NSD1: variants seen among roughly 807,000 people sequenced by gnomAD.
NSD1 encodes nuclear receptor binding SET domain protein 1.
In NSD1, 26 loss-of-function variants were observed where a neutral mutation model predicts 242.7. The ratio of observed to expected loss-of-function variants is 0.11; its 90% CI spans 0.08 to 0.15. The LOEUF (loss-of-function observed/expected upper bound fraction) is 0.15, where lower values mean the gene tolerates loss of function less well. NSD1 is among the 10% of genes least tolerant of loss of function. The pLI is 1.00. For missense variants in NSD1, 2,495 were observed against 3,272.8 expected, an observed-to-expected ratio of 0.76 and a Z score of 5.80; for synonymous variants, 1,106 against 1,178.1, an observed-to-expected ratio of 0.94 and a Z score of 1.25.
intron 2 of NSD1, among the ~76,000 whole-genome samples, chr5:177,155,761 A>C (rs1758078674): frequency 6.6e-6 from 1 of 151,936 alleles, no homozygotes. Flanking sequence ...ATCTCGGTTC[A>C]CTGCAACCTC....
intron 8 of NSD1, among the ~76,000 whole-genome samples, chr5:177,240,915 A>C (rs967048545): frequency 6.6e-6 from 1 of 152,080 alleles, no homozygotes; most frequent in Non-Finnish European, 1.5e-5. Context: ...GCTACTCAGA[A>C]GGCTGAAGTG....
intron 2 of NSD1, among the ~76,000 whole-genome samples, chr5:177,152,319 GTGTATGTA>G (rs57114836): frequency 1.8e-3 from 231 of 128,228 alleles, no homozygotes; most frequent in African/African-American, 3.5e-3. Context: ...TTGTGTGTGT[GTGTATGTA>G]TGTATGTATG....
chr5:177,264,649 C>T, intron 14 of NSD1: 1 of 445,652 alleles, frequency 2.2e-6, no homozygotes, highest in South Asian at 2.1e-5. Context: ...TGAAACACAC[C>T]CCTGGCCCCA....
chr5:177,139,164 T>C (rs1756596412), intron 2 of NSD1, among the ~76,000 whole-genome samples: 2 of 151,120 alleles, frequency 1.3e-5, no homozygotes, highest in South Asian at 4.2e-4. Flanking sequence ...GGCAGGAGAA[T>C]CACTTGAACC....
chr5:177,231,862 G>C (rs1765083877), intron 5 of NSD1, among the ~76,000 whole-genome samples: 1 of 151,862 alleles, frequency 6.6e-6, no homozygotes, highest in African/African-American at 2.4e-5. Context: ...ACACTTTTAT[G>C]TTATTGGGAT....
chr5:177,182,039 C>T lies in NSD1; in HGVS notation c.928-9845C>T, dbSNP rs564248266. Among the ~76,000 whole-genome samples the T allele has an allele frequency of 3.5e-4, 53 of 151,968 alleles. 2 individuals carry two copies. The South Asian group carries it at 7.9e-3, about 23-fold the overall frequency. ...TGGTGGCGGGCGTCTGTAGTCCTAG[C>T]TACTCGGGAGGCCGAGGTAGGAGAA... On this transcript the variant is annotated intron_variant, in intron 2 of 22. Transcript: ENST00000439151.
At chr5:177,159,001 TATATATATATATATATATATATATGAATG>T (rs1428108442) in intron 2 of NSD1, among the ~76,000 whole-genome samples, 3 of 22,090 alleles carry the variant, frequency 1.4e-4, no homozygotes, top group Non-Finnish European at 2.0e-4. Flanking sequence ...AATGATTTTA[TATATATATATATATATATATATATGAATG>T]ATATATATAT....
chr5:177,260,106 C>G lies in NSD1; in HGVS notation c.5084C>G (p.Pro1695Arg). 1 of 1,614,150 alleles carries G rather than the reference C, an allele frequency of 6.2e-7. No individual in the cohort carries two copies. Among genetic ancestry groups the G allele is most frequent in the Non-Finnish European group, 8.5e-7 (1 of 1,180,030 alleles). Residue 1695 changes from proline to arginine, a missense_variant, in exon 14 of 23, where the codon CCT becomes CGT. By Grantham distance (103) the Pro-to-Arg change is moderately radical (BLOSUM62 -2). Coordinates refer to ENST00000439151, the MANE Select transcript of NSD1 (RefSeq NM_022455.5). The stretch of plus-strand genomic sequence containing the variant: ...ATCATCTGCCCTAATCACTTTACCC[C>G]TAGGCGGGGCTGCCGAAATCATGAG... Reference protein sequence around the residue: ...NSIICPNHFTPRRGCRNHEHV... With the variant: ...NSIICPNHFTRRRGCRNHEHV...
chr5:177,156,339 C>G (rs1403314031), intron 2 of NSD1, among the ~76,000 whole-genome samples: 1 of 151,818 alleles, frequency 6.6e-6, no homozygotes, highest in African/African-American at 2.4e-5. Context: ...TACCACTATG[C>G]CCAGCTAATT....
intron 21 of NSD1, among the ~76,000 whole-genome samples, chr5:177,289,976 C>T (rs10066035): frequency 0.48 from 72,501 of 150,732 alleles, 18,646 homozygotes; most frequent in Admixed American, 0.58. Context: ...TACAGGCGCC[C>T]GCCACCATGC....
At chr5:177,259,407 G>A (rs1014363928) in intron 13 of NSD1, among the ~76,000 whole-genome samples, 1 of 152,142 alleles carries the variant, frequency 6.6e-6, no homozygotes, top group African/African-American at 2.4e-5. Context: ...GACTGTTTGA[G>A]CACACAGACT....
chr5:177,212,501 T>TC (rs1763436527), intron 5 of NSD1, among the ~76,000 whole-genome samples: 1 of 140,420 alleles, frequency 7.1e-6, no homozygotes, highest in East Asian at 2.0e-4. Context: ...TTTTTTTTTT[T>TC]CTAATTTTTT....
intron 12 of NSD1, among the ~76,000 whole-genome samples, chr5:177,253,545 C>G (rs1305335247): frequency 6.6e-6 from 1 of 151,942 alleles, no homozygotes; most frequent in African/African-American, 2.4e-5. Flanking sequence ...GGGTTGTTTC[C>G]CGTTTTGGTT....
intron 20 of NSD1, among the ~76,000 whole-genome samples, chr5:177,285,509 A>C (rs1368464365): frequency 4.3e-5 from 6 of 138,482 alleles, no homozygotes; most frequent in African/African-American, 1.6e-4. Flanking sequence ...GCTTGTAGTG[A>C]GCCGAGATCG....
chr5:177,284,048 A>T, intron 20 of NSD1, 120 bp downstream of exon 20: 1 of 1,263,454 alleles, frequency 7.9e-7, no homozygotes, highest in Non-Finnish European at 1.1e-6. Flanking sequence ...TCTGGAATTA[A>T]GTTCATTTAC....
chr5:177,133,391 C>T (rs533719869), upstream of NSD1, among the ~76,000 whole-genome samples: 34 of 152,158 alleles, frequency 2.2e-4, no homozygotes, highest in Non-Finnish European at 4.0e-4. This position sits in a 1 kb window ranked among gnomAD's most constrained non-coding sequence, Gnocchi z 6.2. Flanking sequence ...GAGGCCAGCG[C>T]CGTGCCCCGA....
At chr5:177,161,816 A>G (rs1194222487) in intron 2 of NSD1, among the ~76,000 whole-genome samples, 1 of 151,150 alleles carries the variant, frequency 6.6e-6, no homozygotes, top group East Asian at 2.0e-4. Flanking sequence ...ACGCCTGGCT[A>G]ATATTTGTAT....
chr5:177,191,898 A>G lies in NSD1; in HGVS notation c.942A>G (p.Lys314=). The G allele has an allele frequency of 6.2e-7, 1 of 1,614,144 alleles. No homozygotes were observed. Among genetic ancestry groups the G allele is most frequent in the Non-Finnish European group, 8.5e-7 (1 of 1,180,010 alleles). ...SQELPFCQPK[K]KSTPLKYEVG... is the part of the protein sequence containing the mutation. ...TCTGTCTAAAGTGTCAACCTAAGAA[A>G]AAGTCTACGCCACTGAAGTATGAAG... is the stretch of plus-strand genomic sequence containing the variant. The change falls in exon 3 of 23, where the codon AAA becomes AAG. Residue 314 remains lysine, a synonymous_variant. Coordinates refer to ENST00000439151, the MANE Select transcript of NSD1 (RefSeq NM_022455.5).
chr5:177,252,983 C>T (rs574925638), intron 12 of NSD1, among the ~76,000 whole-genome samples: 14 of 152,116 alleles, frequency 9.2e-5, no homozygotes, highest in Non-Finnish European at 4.4e-5. Flanking sequence ...GGCGTATATG[C>T]TCTTATAACG....
Sources: allele counts gnomAD v4.1 joint callset (sites outside exome capture counted in the v4.1 genomes callset), GRCh38; gene constraint gnomAD v4.1.1; non-coding constraint Gnocchi (gnomAD v3.1); transcripts MANE v1.5; gene names NCBI Gene and HGNC (gene_info 2026-07-23, HGNC 2026-07-21).